Variants in DOCK7 observed in about 807,000 individuals in gnomAD.
The protein encoded by DOCK7 is dedicator of cytokinesis 7.
DOCK7 carries 138 observed loss-of-function variants against 271.0 expected under a neutral mutation model. The ratio of observed to expected loss-of-function variants is 0.51; its 90% CI spans 0.44 to 0.59. The LOEUF is 0.59. Among genes scored for constraint, DOCK7 ranks in the 20% least tolerant of loss-of-function variants. The pLI is 0.00. For synonymous variants in DOCK7, 823 were observed against 876.1 expected (o/e 0.94, Z 1.07); for missense variants, 2,066 against 2,592.4 (o/e 0.80, Z 4.41).
At chr1:62,635,980 CCTT>C (rs1655218017) in intron 8 of DOCK7, among the ~76,000 whole-genome samples, 1 of 152,046 alleles carries the variant, frequency 6.6e-6, no homozygotes, top group African/African-American at 2.4e-5. Flanking sequence ...TGTAAAATAA[CCTT>C]CTGACACGCC....
intron 15 of DOCK7, chr1:62,584,156 C>T (rs1217920847): frequency 3.0e-6 from 3 of 983,676 alleles, no homozygotes; most frequent in Non-Finnish European, 3.6e-6. Flanking sequence ...TGGCATCATC[C>T]TTAATTAGAA....
chr1:62,493,916 G>A (rs890508680), intron 40 of DOCK7, among the ~76,000 whole-genome samples: 1 of 152,078 alleles, frequency 6.6e-6, no homozygotes, highest in Non-Finnish European at 1.5e-5. Context: ...GAGAATGTTG[G>A]TATATCTGCT....
At chr1:62,626,187 G>A (rs1415294462) in intron 11 of DOCK7, among the ~76,000 whole-genome samples, 3 of 152,114 alleles carry the variant, frequency 2.0e-5, no homozygotes, top group East Asian at 1.9e-4. Flanking sequence ...TATTTAAGAT[G>A]TATGAAAATG....
Position 62,634,861 on chromosome 1 carries a change from T to C in DOCK7, c.947A>G (p.His316Arg), listed in dbSNP as rs1454730538. ...GGTAGTAATGGCAGCAGGTGGTACA[T>C]GTGGACGTAACAACCCTTTCATCTG... ...SEQMKGLLRP[H>R]VPPAAITTLA... Residue 316 changes from histidine (H) to arginine (R), a missense_variant, in exon 9 of 50, where the codon CAT (histidine) becomes CGT (arginine). This residue lies in a region of DOCK7 where 1,414 missense variants were observed against 1,670.4 expected (regional missense o/e 0.85). Coordinates refer to ENST00000635253, the MANE Select transcript of DOCK7 (RefSeq NM_001367561.1). 6 of 1,613,092 alleles carry C rather than the reference T, an allele frequency of 3.7e-6. No homozygotes were observed. The highest frequency in any genetic ancestry group is 2.2e-5 in the South Asian group (2 of 91,018).
At chr1:62,572,471 C>T (rs1646814353) in intron 18 of DOCK7, among the ~76,000 whole-genome samples, 1 of 152,138 alleles carries the variant, frequency 6.6e-6, no homozygotes, top group South Asian at 2.1e-4. Flanking sequence ...TCTTAGTCAC[C>T]TCAGGCTGCC....
Position 62,643,934 on chromosome 1 carries a change from T to C in DOCK7, c.818+3757A>G, listed in dbSNP as rs1033382485. On this transcript the variant is annotated intron_variant, in intron 7 of 49. Coordinates refer to ENST00000635253, the MANE Select transcript of DOCK7 (RefSeq NM_001367561.1). The stretch of plus-strand genomic sequence containing the variant: ...AAAATCTTGAAAAAGATCAAATGAA[T>C]CCTTTTAAAAATCTTCCTGGTCAAT... Among the ~76,000 whole-genome samples, 3 of 152,102 alleles carry C rather than the reference T, an allele frequency of 2.0e-5. No homozygotes were observed. The South Asian group carries it at 6.2e-4, about 32-fold the overall frequency.
intron 17 of DOCK7, among the ~76,000 whole-genome samples, 157 bp from the exon 18 acceptor site, chr1:62,577,520 T>A (rs1009006537): frequency 6.6e-6 from 1 of 152,224 alleles, no homozygotes; most frequent in Non-Finnish European, 1.5e-5. Flanking sequence ...TAGGCCTTCA[T>A]AATCCCTCTA....
At chr1:62,601,070 TTC>T (rs1557781779) in intron 14 of DOCK7, 1 of 1,469,256 alleles carries the variant, frequency 6.8e-7, no homozygotes, top group Non-Finnish European at 9.5e-7. Context: ...CAGATTTATA[TTC>T]TTTTATCAGC....
chr1:62,602,944 T>A (rs1252973172), intron 14 of DOCK7, among the ~76,000 whole-genome samples: 1 of 151,722 alleles, frequency 6.6e-6, no homozygotes, highest in Admixed American at 6.6e-5. Flanking sequence ...AAATAACAGA[T>A]GTTTAAAATC....
rs1646326192 is a variant in DOCK7, at chr1:62,561,650, A to C, written c.2166T>G (p.Val722=). The C allele has an allele frequency of 1.1e-5, 17 of 1,573,188 alleles. No homozygotes were observed. Among genetic ancestry groups the C allele is most frequent in the Non-Finnish European group, 1.5e-5 (17 of 1,166,310 alleles). The part of the protein sequence containing the change: ...WVDNHKGVFN[V]EVVAVSSIHT... Reference sequence around the variant, plus strand: ...GGATAGACGAAACAGCAACAACTTCAACATTAAAAACACCTTTGTGATTAT... The same window carrying C: ...GGATAGACGAAACAGCAACAACTTCCACATTAAAAACACCTTTGTGATTAT... Residue 722 remains valine, a synonymous_variant, in exon 19 of 50, where the codon GTT becomes GTG. Transcript: ENST00000635253.
chr1:62,505,177 A>T (rs574929290), intron 36 of DOCK7, among the ~76,000 whole-genome samples: 10 of 152,328 alleles, frequency 6.6e-5, no homozygotes, highest in Admixed American at 4.6e-4. Flanking sequence ...AGGATGATTA[A>T]AATGAAATAG....
chr1:62,475,141 C>G (rs1291715620), intron 47 of DOCK7, 67 bp downstream of exon 47: 5 of 1,487,424 alleles, frequency 3.4e-6, no homozygotes, highest in Non-Finnish European at 4.5e-6. Flanking sequence ...ACAATTATTT[C>G]TGATCTGAAA....
chr1:62,558,888 C>A, intron 20 of DOCK7, 101 bp downstream of exon 20: 1 of 925,564 alleles, frequency 1.1e-6, no homozygotes, highest in Middle Eastern at 2.8e-4. Flanking sequence ...AAATATAGTC[C>A]TTATATATAG....
In DOCK7 at chr1:62,583,309, A is replaced by G. The variant is rs1009523995; in HGVS notation, c.1801-55T>C. 4.1e-6 allele frequency: 6 copies of G among 1,459,772 alleles called. No individual in the cohort carries two copies. The African/African-American group carries it at 7.0e-5, about 17-fold the overall frequency. The allele number at this position is 1,459,772 out of a possible 1,614,324, so 90.4% of individuals were successfully genotyped here. Reference sequence around the variant, plus strand: ...TGTTGTAGTAAATGCTGGATGTTTCATAACTATGTAAGAATTTGTCTGATT... The same window carrying G: ...TGTTGTAGTAAATGCTGGATGTTTCGTAACTATGTAAGAATTTGTCTGATT... On this transcript the variant is annotated intron_variant, in intron 15 of 49. Coordinates refer to ENST00000635253, the MANE Select transcript of DOCK7 (RefSeq NM_001367561.1).
At chr1:62,681,102 A>G (rs1238695119) in intron 1 of DOCK7, among the ~76,000 whole-genome samples, 2 of 152,174 alleles carry the variant, frequency 1.3e-5, no homozygotes, top group African/African-American at 4.8e-5. Context: ...TTACTGCGGC[A>G]CTATTCACAA....
Position 62,474,775 on chromosome 1 carries a change from CA to C in DOCK7, c.6105+432del, listed in dbSNP as rs1252760115. On this transcript the variant is annotated intron_variant, in intron 47 of 49. Transcript: ENST00000635253. ...CAAGATAATTTTAATGAACCAACCA[CA>C]AGGACTAATGGGGATGGCTTCTAAT... Among the ~76,000 whole-genome samples the C allele has an allele frequency of 3.9e-5, 6 of 152,250 alleles. No individual in the cohort carries two copies. In the South Asian group the frequency reaches 1.2e-3, roughly 32 times the overall value.
chr1:62,587,032 A>G (rs1293305392), intron 14 of DOCK7, among the ~76,000 whole-genome samples: 1 of 152,150 alleles, frequency 6.6e-6, no homozygotes, highest in Non-Finnish European at 1.5e-5. Flanking sequence ...CTCCAAGCAC[A>G]TATAAATAGG....
intron 41 of DOCK7, among the ~76,000 whole-genome samples, 168 bp from the exon 42 acceptor site, chr1:62,489,233 A>G (rs1030523840): frequency 2.6e-5 from 4 of 152,146 alleles, no homozygotes; most frequent in Non-Finnish European, 5.9e-5. Context: ...GTGGATCACA[A>G]TGTCAGGAGA....
intron 14 of DOCK7, chr1:62,609,298 G>A (rs1651442924): frequency 6.6e-6 from 1 of 152,092 alleles, no homozygotes; most frequent in Non-Finnish European, 1.5e-5. Context: ...TACAAAGGCT[G>A]TTTTTCCTAA....
Sources: gnomAD v4.1 joint callset for allele counts (sites outside exome capture counted in the v4.1 genomes callset) on GRCh38, gnomAD v4.1.1 for gene constraint, gnomAD v4.1.1 regional missense constraint, MANE v1.5 for transcripts, NCBI Gene and HGNC (gene_info 2026-07-23, HGNC 2026-07-21) for gene names.